Variants in ELOVL4 observed in about 807,000 individuals in gnomAD.
ELOVL4 encodes the protein ELOVL fatty acid elongase 4, also known as very long chain fatty acid elongase 4.
In ELOVL4, 18 loss-of-function variants were observed where a neutral mutation model predicts 42.1. The observed-to-expected ratio is 0.43, with a 90% CI of 0.30 to 0.63. The LOEUF (loss-of-function observed/expected upper bound fraction) is 0.63. ELOVL4 is among the 30% of genes least tolerant of loss of function. The pLI is 0.15. For missense variants in ELOVL4, 299 were observed against 376.2 expected (o/e 0.79, Z 1.70); for synonymous variants, 117 against 127.0 (o/e 0.92, Z 0.53).
At chr6:79,930,173 A>G (rs571772420) in intron 1 of ELOVL4, among the ~76,000 whole-genome samples, 1 of 152,070 alleles carries the variant, frequency 6.6e-6, no homozygotes, top group African/African-American at 2.4e-5. Context: ...TTCATTCCTT[A>G]CTCCAGGGGA....
At chr6:79,919,008 A>G (rs929122050) in intron 5 of ELOVL4, among the ~76,000 whole-genome samples, 1 of 152,206 alleles carries the variant, frequency 6.6e-6, no homozygotes, top group African/African-American at 2.4e-5. Context: ...AATGAAATAA[A>G]AAACAAAATT....
Position 79,916,452 on chromosome 6 carries a change from A to G in ELOVL4, c.*156T>C. The G allele has an allele frequency of 8.7e-6, 7 of 802,500 alleles. No homozygotes were observed. The highest frequency in any genetic ancestry group is 1.7e-5 in the African/African-American group (1 of 57,612). 49.7% of individuals were successfully genotyped at this position (802,500 alleles called of 1,614,324 possible). A position where few individuals can be genotyped will look rare whatever the true frequency, so the allele number is the denominator to read the frequency against. On this transcript the variant is annotated 3_prime_UTR_variant, in exon 6 of 6. Coordinates refer to ENST00000369816, the MANE Select transcript of ELOVL4 (RefSeq NM_022726.4). ...CATAAATAAAACATCTGGGTATGGT[A>G]TTAACACTTTACTCAGTCTAAGAGT...
At position 79,916,645 on chromosome 6, in the gene ELOVL4, C is replaced by G; in HGVS notation, c.908G>C (p.Gly303Ala). 1 of 1,614,034 alleles carries G rather than the reference C, an allele frequency of 6.2e-7. No individual in the cohort carries two copies. Among genetic ancestry groups the G allele is most frequent in the Non-Finnish European group, 8.5e-7 (1 of 1,179,994 alleles). The stretch of plus-strand genomic sequence containing the variant: ...TGCTTTTCCATTTTTCTGCTTTTTT[C>G]CATTTTCTATCATGAGTTGTTTTTC... ...KSEKQLMIEN[G>A]KKQKNGKAKG... is the part of the protein sequence containing the mutation. The change falls in exon 6 of 6, where the codon GGA (glycine) becomes GCA (alanine). Residue 303 changes from glycine to alanine, a missense_variant. Coordinates refer to ENST00000369816, the MANE Select transcript of ELOVL4 (RefSeq NM_022726.4).
chr6:79,928,626 T>C (rs343634), intron 1 of ELOVL4, among the ~76,000 whole-genome samples: 10,821 of 146,548 alleles, frequency 0.074, 1,256 homozygotes, highest in African/African-American at 0.26. Context: ...GAAACACTAA[T>C]AGAGGCCAAT....
chr6:79,946,547 T>G (rs185887165), intron 1 of ELOVL4, among the ~76,000 whole-genome samples: 1 of 152,230 alleles, frequency 6.6e-6, no homozygotes, highest in Non-Finnish European at 1.5e-5. Flanking sequence ...AAAGCCATTA[T>G]AGACAATCAC....
Position 79,916,566 on chromosome 6 carries a change from A to AG in ELOVL4, c.*41dup. On this transcript the variant is annotated 3_prime_UTR_variant, in exon 6 of 6. Transcript: ENST00000369816. ...TCCCTGAAATTTTATATGATATGGG[A>AG]GTTTTTCCTCACTGTCAACAACAGT... 1 of 1,610,418 alleles carries AG rather than the reference A, an allele frequency of 6.2e-7. No homozygotes were observed. Among genetic ancestry groups the AG allele is most frequent in the Non-Finnish European group, 8.5e-7 (1 of 1,178,574 alleles).
At chr6:79,946,677 G>T (rs1185323346) in intron 1 of ELOVL4, among the ~76,000 whole-genome samples, 1 of 152,246 alleles carries the variant, frequency 6.6e-6, no homozygotes, top group African/African-American at 2.4e-5. Flanking sequence ...GAGCTAGATA[G>T]AAGAAAAGAT....
chr6:79,920,073 G>A (rs893596537), intron 4 of ELOVL4, among the ~76,000 whole-genome samples: 1 of 152,074 alleles, frequency 6.6e-6, no homozygotes, highest in African/African-American at 2.4e-5. Flanking sequence ...TTTAATCAAG[G>A]TATAGATGTA....
Position 79,916,659 on chromosome 6 carries a change from G to A in ELOVL4, c.894C>T (p.Leu298=), listed in dbSNP as rs117703923. 5.0e-6 allele frequency: 8 copies of A among 1,613,962 alleles called. No homozygotes were observed. The highest frequency in any genetic ancestry group is 1.1e-5 in the South Asian group (1 of 91,070). ...ANGVSKSEKQ[L]MIENGKKQKN... is the part of the protein sequence containing the mutation. ...TCTGCTTTTTTCCATTTTCTATCAT[G>A]AGTTGTTTTTCTGATTTGCTCACAC... Residue 298 remains leucine (L), a synonymous_variant, in exon 6 of 6, where the codon CTC becomes CTT. Transcript: ENST00000369816.
At chr6:79,929,501 A>G (rs1774408134) in intron 1 of ELOVL4, among the ~76,000 whole-genome samples, 1 of 152,008 alleles carries the variant, frequency 6.6e-6, no homozygotes, top group Non-Finnish European at 1.5e-5. Flanking sequence ...TTGGCCTCCC[A>G]AAGTGTTAGG....
intron 1 of ELOVL4, among the ~76,000 whole-genome samples, chr6:79,938,262 C>T (rs1561990000): frequency 6.6e-6 from 1 of 152,150 alleles, no homozygotes; most frequent in Admixed American, 6.5e-5. Flanking sequence ...TCTGGGAGTT[C>T]CAAGTTCAAC....
chr6:79,939,889 C>T lies in ELOVL4; in HGVS notation c.100+7291G>A, dbSNP rs1774617841. On this transcript the variant is annotated intron_variant, in intron 1 of 5. Transcript: ENST00000369816. The stretch of plus-strand genomic sequence containing the variant: ...ATCTTTTTGTGACTAGACTATTTCA[C>T]TTAGTAACAAGGTTCATCTATGTTG... 2.0e-5 allele frequency among the ~76,000 whole-genome samples: 3 copies of T among 152,158 alleles called. No individual in the cohort carries two copies. In the South Asian group the frequency reaches 6.2e-4, roughly 31 times the overall value.
rs1182653666 is a variant in ELOVL4 at position 79,947,539 on chromosome 6, G to T, written c.-260C>A. On this transcript the variant is annotated 5_prime_UTR_variant, in exon 1 of 6. Coordinates refer to ENST00000369816, the MANE Select transcript of ELOVL4 (RefSeq NM_022726.4). ...GGAGGCCCAGCCGCCAGCACAGTGCGCTGCACCAGTCTGCAGCCTCGCGCA... is the reference window on the plus strand; with the variant it reads ...GGAGGCCCAGCCGCCAGCACAGTGCTCTGCACCAGTCTGCAGCCTCGCGCA... 1 of 491,442 alleles carries T rather than the reference G, an allele frequency of 2.0e-6. No homozygotes were observed. Among genetic ancestry groups the T allele is most frequent in the African/African-American group, 2.1e-5 (1 of 47,556 alleles). 30.4% of individuals were successfully genotyped at this position (491,442 alleles called of 1,614,324 possible).
chr6:79,931,864 T>C (rs1774451176), intron 1 of ELOVL4, among the ~76,000 whole-genome samples: 1 of 152,238 alleles, frequency 6.6e-6, no homozygotes, highest in Admixed American at 6.5e-5. Flanking sequence ...CTTTCCCTTT[T>C]GTACACAGAA....
intron 1 of ELOVL4, among the ~76,000 whole-genome samples, chr6:79,928,718 G>A (rs1182305579): frequency 7.0e-6 from 1 of 143,150 alleles, no homozygotes; most frequent in Non-Finnish European, 1.5e-5. Context: ...TAAGTAGACT[G>A]GTGACTGGGT....
chr6:79,921,480 A>AG (rs1774255594), intron 4 of ELOVL4, 145 bp downstream of exon 4: 1 of 625,220 alleles, frequency 1.6e-6, no homozygotes, highest in African/African-American at 1.9e-5. Flanking sequence ...AAAAAAAAAA[A>AG]AAAAAAAAAG....
chr6:79,931,861 T>C (rs1774451038), intron 1 of ELOVL4, among the ~76,000 whole-genome samples: 1 of 152,220 alleles, frequency 6.6e-6, no homozygotes, highest in African/African-American at 2.4e-5. Context: ...GGTCTTTCCC[T>C]TTTGTACACA....
intron 4 of ELOVL4, among the ~76,000 whole-genome samples, chr6:79,920,665 A>C (rs553464817): frequency 6.6e-6 from 1 of 152,328 alleles, no homozygotes; most frequent in East Asian, 1.9e-4. Context: ...CATTAAACAA[A>C]GTTTGTGTAC....
intron 1 of ELOVL4, among the ~76,000 whole-genome samples, chr6:79,937,459 T>C (rs536290120): frequency 1.3e-5 from 2 of 152,240 alleles, no homozygotes; most frequent in Non-Finnish European, 2.9e-5. Context: ...CTGGTTACCC[T>C]GGGATTTAAT....
Sources: allele counts gnomAD v4.1 joint callset (sites outside exome capture counted in the v4.1 genomes callset), GRCh38; gene constraint gnomAD v4.1.1; transcripts MANE v1.5; gene names NCBI Gene and HGNC (gene_info 2026-07-23, HGNC 2026-07-21).